The following PCSK4 variants were observed in gnomAD, a reference collection of about 807,000 sequenced individuals.
PCSK4 encodes the protein testicular tissue protein Li 135.
Under a neutral mutation model 80.3 loss-of-function variants are expected in PCSK4, and 64 were observed. The ratio of observed to expected loss-of-function variants is 0.80; its 90% CI spans 0.65 to 0.98. The LOEUF (loss-of-function observed/expected upper bound fraction) is 0.98. PCSK4 is among the 50% of genes least tolerant of loss of function. The probability of loss-of-function intolerance (pLI) is 0.00; values close to 1 mark genes in which losing one functional copy is unlikely to be tolerated. For missense variants in PCSK4, 1,213 were observed against 1,093.6 expected, an observed-to-expected ratio of 1.11 and a Z score of -1.54; for synonymous variants, 561 against 487.6, an observed-to-expected ratio of 1.15 and a Z score of -1.98.
At chr19:1,487,785 C>T (rs1049296209) in exon 5 of PCSK4, 11 of 1,574,658 alleles carry the variant, frequency 7.0e-6, no homozygotes, top group South Asian at 2.3e-5. Context: ...CCCTGCTCAC[C>T]GGTTCTCTTT....
chr19:1,483,920 G>A (rs1264229848), exon 10 of PCSK4: 7 of 1,474,532 alleles, frequency 4.7e-6, no homozygotes, highest in African/African-American at 1.5e-5. Context: ...GGTGCTGCAT[G>A]TCTCTCCACG....
At chr19:1,482,027 C>T (rs1243529130) in exon 15 of PCSK4, 21 of 1,571,248 alleles carry the variant, frequency 1.3e-5, no homozygotes, top group Admixed American at 1.9e-5. Flanking sequence ...ACAGGAGGTG[C>T]AGTCCCTCGG....
exon 15 of PCSK4, chr19:1,482,173 G>C: frequency 6.4e-7 from 1 of 1,556,506 alleles, no homozygotes; most frequent in Non-Finnish European, 8.6e-7. Context: ...AGGCCAGGCA[G>C]AGCTGTCCCA....
chr19:1,481,898 A>G (rs1861092269), exon 15 of PCSK4: 1 of 1,595,322 alleles, frequency 6.3e-7, no homozygotes, highest in Non-Finnish European at 8.5e-7. Context: ...GCTCAGCACC[A>G]TGGCCGAGGC....
intron 12 of PCSK4, 69 bp from the exon 13 acceptor site, chr19:1,483,089 A>G: frequency 2.1e-6 from 3 of 1,424,958 alleles, no homozygotes; most frequent in South Asian, 1.4e-5. Flanking sequence ...GCAGAGCCCC[A>G]TGAAGTGTCT....
chr19:1,484,527 A>T (rs2145361339), intron 8 of PCSK4, among the ~76,000 whole-genome samples: 1 of 149,780 alleles, frequency 6.7e-6, no homozygotes, highest in East Asian at 2.0e-4. Flanking sequence ...GAATTCAAAA[A>T]GTACCAAGGG....
At position 1,487,797 on chromosome 19, in the gene PCSK4, C is replaced by CT. The variant is rs759114312; in HGVS notation, c.580dup (p.Ser194LysfsTer338). Reference sequence around the variant, plus strand: ...GAGCCCTGCTCACCGGTTCTCTTTGCTGGGGGTGTAGCGGGGCTGGGGGTC... The same window carrying CT: ...GAGCCCTGCTCACCGGTTCTCTTTGCTTGGGGGTGTAGCGGGGCTGGGGGTC... On this transcript the variant is annotated frameshift_variant, in exon 5 of 15. Transcript: ENST00000300954. LOFTEE classifies it high-confidence loss of function. The CT allele has an allele frequency of 6.3e-7, 1 of 1,579,802 alleles. No individual in the cohort carries two copies. Among genetic ancestry groups the CT allele is most frequent in the Non-Finnish European group, 8.6e-7 (1 of 1,162,274 alleles).
rs1426349274 is a variant in PCSK4, at chr19:1,483,779, G to GGCA, written c.1274-15_1274-13dup. On this transcript the variant is annotated splice_polypyrimidine_tract_variant and intron_variant, in intron 10 of 14. Transcript: ENST00000300954. ...GTAGTGATGGCTCACTGCGCGGAAG[G>GGCA]GCAGCAGTCACTCGCCCCGTGGGCC... 1 of 1,568,506 alleles carries GGCA rather than the reference G, an allele frequency of 6.4e-7. No homozygotes were observed. The highest frequency in any genetic ancestry group is 2.3e-5 in the East Asian group (1 of 42,884).
chr19:1,483,040 G>C lies in PCSK4; in HGVS notation c.1572-20C>G. The C allele has an allele frequency of 6.7e-7, 1 of 1,496,598 alleles. No individual in the cohort carries two copies. Among genetic ancestry groups the C allele is most frequent in the Non-Finnish European group, 9.0e-7 (1 of 1,116,604 alleles). The allele number at this position is 1,496,598 out of a possible 1,614,324, so 92.7% of individuals were successfully genotyped here. A position where few individuals can be genotyped will look rare whatever the true frequency, so the allele number is the denominator to read the frequency against. On this transcript the variant is annotated intron_variant, in intron 12 of 14. Transcript: ENST00000300954. ...AAGGGTCTGGGACAGAAGGGTGGGT[G>C]GGGGTGGGGGTGTCAAGAGGGATGG...
chr19:1,485,687 T>C (rs1214621479), intron 8 of PCSK4, among the ~76,000 whole-genome samples: 7 of 151,712 alleles, frequency 4.6e-5, no homozygotes, highest in East Asian at 2.0e-4. Context: ...CTGGCTAACA[T>C]GGTGAAACCC....
At chr19:1,488,261 T>A in exon 3 of PCSK4, 4 of 1,613,206 alleles carry the variant, frequency 2.5e-6, no homozygotes, top group Non-Finnish European at 3.4e-6. Context: ...CTGCAGCGTC[T>A]GCTGCTGGAA....
At chr19:1,483,965 G>A (rs2084464392) in intron 9 of PCSK4, 24 bp from the exon 10 acceptor site, 5 of 1,429,456 alleles carry the variant, frequency 3.5e-6, no homozygotes, top group Middle Eastern at 2.5e-4. Context: ...GGGCGGGGGC[G>A]GGTGAGCCGC....
chr19:1,481,637 C>G, exon 15 of PCSK4: 2 of 611,450 alleles, frequency 3.3e-6, no homozygotes, highest in Non-Finnish European at 5.4e-6. Context: ...GGGCCCATCC[C>G]TGGCAGGCCA....
chr19:1,486,770 A>T, intron 8 of PCSK4, 83 bp downstream of exon 8: 1 of 1,185,856 alleles, frequency 8.4e-7, no homozygotes, highest in Non-Finnish European at 1.2e-6. Flanking sequence ...GAGGGTGCTA[A>T]GTCACAGTGG....
intron 2 of PCSK4, chr19:1,489,502 C>T (rs774309974): frequency 4.9e-5 from 21 of 428,098 alleles, no homozygotes; most frequent in Non-Finnish European, 6.8e-5. Flanking sequence ...ATGACCTAGA[C>T]GGTGGGGAAG....
rs554924371 is a variant in PCSK4, at chr19:1,482,344, G to A, written c.1819+9C>T. ...TCCCAGCAGTGGGCCCTGCCCCGCC[G>A]GCACTCACCCTGGCACAGCCCCTCT... On this transcript the variant is annotated intron_variant, in intron 14 of 14. Transcript: ENST00000300954. 69 of 1,538,230 alleles carry A rather than the reference G, an allele frequency of 4.5e-5. No individual in the cohort carries two copies. Among genetic ancestry groups the A allele is most frequent in the Non-Finnish European group, 5.4e-5 (62 of 1,146,680 alleles).
chr19:1,483,033 G>A lies in PCSK4; in HGVS notation c.1572-13C>T. On this transcript the variant is annotated splice_polypyrimidine_tract_variant and intron_variant, in intron 12 of 14. Coordinates refer to ENST00000300954, the Ensembl canonical transcript of PCSK4. ...GACGTCCAAGGGTCTGGGACAGAAG[G>A]GTGGGTGGGGGTGGGGGTGTCAAGA... The A allele has an allele frequency of 6.6e-7, 1 of 1,504,442 alleles. No individual in the cohort carries two copies. Among genetic ancestry groups the A allele is most frequent in the South Asian group, 1.3e-5 (1 of 75,932 alleles). The allele number at this position is 1,504,442 out of a possible 1,614,324, so 93.2% of individuals were successfully genotyped here.
chr19:1,483,840 T>C lies in PCSK4; in HGVS notation c.1271A>G (p.Gln424Arg). The C allele has an allele frequency of 6.7e-7, 1 of 1,492,190 alleles. No homozygotes were observed. The highest frequency in any genetic ancestry group is 8.8e-7 in the Non-Finnish European group (1 of 1,130,402). 92.4% of individuals were successfully genotyped at this position (1,492,190 alleles called of 1,614,324 possible). ...GCCCCCGCCCGGCCCCGCCGCACCT[T>C]GGCGCCCCACGCCGTTGGTCCTCCA... The change falls in exon 10 of 15, where the codon CAA becomes CGA. Residue 424 changes from glutamine (Q) to arginine (R), a missense_variant and splice_region_variant. Coordinates refer to ENST00000300954, the Ensembl canonical transcript of PCSK4.
At chr19:1,490,553 C>T, upstream of PCSK4, 1 of 491,204 alleles carries the variant, frequency 2.0e-6, no homozygotes, top group Non-Finnish European at 3.6e-6. Context: ...TCCGCAGACC[C>T]ACACCCTCGG....
Sources: allele counts gnomAD v4.1 joint callset (sites outside exome capture counted in the v4.1 genomes callset), GRCh38; gene constraint gnomAD v4.1.1; transcripts MANE v1.5; gene names NCBI Gene and HGNC (gene_info 2026-07-23, HGNC 2026-07-21).